IL1RAPL1: variants seen among roughly 807,000 people sequenced by gnomAD.
The protein encoded by IL1RAPL1 is interleukin-1 receptor accessory protein-like 1.
In IL1RAPL1, 3 loss-of-function variants were observed where a neutral mutation model predicts 48.4. The ratio of observed to expected loss-of-function variants is 0.06; its 90% CI spans 0.03 to 0.16. The LOEUF (loss-of-function observed/expected upper bound fraction) is 0.16. Among genes scored for constraint, IL1RAPL1 ranks in the 10% least tolerant of loss-of-function variants. IL1RAPL1 has a pLI of 1.00. For synonymous variants in IL1RAPL1, 185 were observed against 187.7 expected, an observed-to-expected ratio of 0.99 and a Z score of 0.12; for missense variants, 349 against 530.6, an observed-to-expected ratio of 0.66 and a Z score of 3.36.
chrX:29,237,162 G>A (rs1407693143), intron 2 of IL1RAPL1, among the ~76,000 whole-genome samples: 1 of 111,629 alleles, frequency 9.0e-6, no homozygotes, highest in African/African-American at 3.3e-5. Flanking sequence ...GGAAATGTCA[G>A]TTTGCAGAAA....
chrX:28,615,177 T>C (rs1487136230), intron 1 of IL1RAPL1, among the ~76,000 whole-genome samples: 34 of 101,051 alleles, frequency 3.4e-4, no homozygotes, highest in Non-Finnish European at 6.1e-4. Context: ...TATGAGGCAC[T>C]GCGCCTGGCC....
intron 2 of IL1RAPL1, among the ~76,000 whole-genome samples, chrX:28,832,289 C>G (rs1921081274): frequency 9.1e-6 from 1 of 110,083 alleles, no homozygotes; most frequent in African/African-American, 3.4e-5. Context: ...AATCACTATT[C>G]TCCTCTCTAC....
At chrX:29,541,099 C>A (rs1274722011) in intron 5 of IL1RAPL1, among the ~76,000 whole-genome samples, 1 of 111,787 alleles carries the variant, frequency 8.9e-6, no homozygotes, top group Non-Finnish European at 1.9e-5. Context: ...AAACAAATAA[C>A]CCCATTAAAA....
At chrX:29,906,338 A>AAAAC (rs200315435) in intron 6 of IL1RAPL1, among the ~76,000 whole-genome samples, 28,061 of 94,004 alleles carry the variant, frequency 0.3, 5,179 homozygotes, top group African/African-American at 0.63. Flanking sequence ...CTGTCTCAAA[A>AAAAC]AAACAAACAA....
intron 5 of IL1RAPL1, among the ~76,000 whole-genome samples, chrX:29,539,708 G>C (rs1291757283): frequency 9.0e-6 from 1 of 110,683 alleles, no homozygotes; most frequent in Non-Finnish European, 1.9e-5. Context: ...TTCCTGCTCT[G>C]CCATGTGAAG....
intron 5 of IL1RAPL1, among the ~76,000 whole-genome samples, chrX:29,548,211 T>C (rs1005652591): frequency 8.9e-6 from 1 of 112,684 alleles, no homozygotes; most frequent in Non-Finnish European, 1.9e-5. Context: ...TTAAGCATTT[T>C]AAATGTTTTA....
intron 6 of IL1RAPL1, among the ~76,000 whole-genome samples, chrX:29,696,606 C>T (rs1926919524): frequency 1.8e-5 from 2 of 111,974 alleles, no homozygotes; most frequent in African/African-American, 6.5e-5. Context: ...ACATCCTGAA[C>T]ACAAGACTTC....
chrX:29,491,559 A>G (rs1455364695), intron 5 of IL1RAPL1, among the ~76,000 whole-genome samples: 1 of 112,488 alleles, frequency 8.9e-6, no homozygotes, highest in Non-Finnish European at 1.9e-5. Context: ...TCATTTGCCT[A>G]CAATTACACA....
intron 3 of IL1RAPL1, among the ~76,000 whole-genome samples, chrX:29,288,940 G>T (rs1388472058): frequency 8.9e-6 from 1 of 111,983 alleles, no homozygotes. Flanking sequence ...TCATATGTTT[G>T]TTGGCCGCTT....
chrX:29,564,209 T>C (rs888702891), intron 5 of IL1RAPL1, among the ~76,000 whole-genome samples: 6 of 111,965 alleles, frequency 5.4e-5, no homozygotes, highest in Non-Finnish European at 9.4e-5. Context: ...AGTGTTGATT[T>C]CCACTTTGTA....
At chrX:29,072,292 G>A (rs1927582175) in intron 2 of IL1RAPL1, among the ~76,000 whole-genome samples, 2 of 110,914 alleles carry the variant, frequency 1.8e-5, no homozygotes, top group African/African-American at 6.6e-5. Flanking sequence ...AACCATAGGA[G>A]GAAAAAGGCA....
chrX:29,846,689 A>T (rs1451434224), intron 6 of IL1RAPL1, among the ~76,000 whole-genome samples: 1 of 107,576 alleles, frequency 9.3e-6, no homozygotes, highest in African/African-American at 3.4e-5. Context: ...TCCTCTCCCT[A>T]CTATGTCAAA....
chrX:29,881,593 G>A (rs1932034017), intron 6 of IL1RAPL1, among the ~76,000 whole-genome samples: 2 of 109,733 alleles, frequency 1.8e-5, no homozygotes. Flanking sequence ...TATTTGAGGG[G>A]TACATGAGAT....
chrX:29,286,057 A>T (rs1355001271), intron 3 of IL1RAPL1, among the ~76,000 whole-genome samples: 1 of 112,175 alleles, frequency 8.9e-6, no homozygotes, highest in East Asian at 2.8e-4. Context: ...TTAACTTGTC[A>T]ATGAAATTGT....
chrX:28,704,831 C>CCAAAAA (rs1555915423), intron 1 of IL1RAPL1, among the ~76,000 whole-genome samples: 1 of 29,652 alleles, frequency 3.4e-5, no homozygotes, highest in African/African-American at 1.6e-4. Context: ...CACACACACA[C>CCAAAAA]AAAAAAAAAA....
intron 5 of IL1RAPL1, among the ~76,000 whole-genome samples, chrX:29,570,960 G>A (rs1569341287): frequency 1.8e-5 from 2 of 112,514 alleles, no homozygotes; most frequent in East Asian, 2.8e-4. Context: ...GGTGGCTCAC[G>A]CCTGTAATCC....
chrX:29,421,054 G>A (rs1413345174), intron 5 of IL1RAPL1, among the ~76,000 whole-genome samples: 1 of 111,577 alleles, frequency 9.0e-6, no homozygotes, highest in East Asian at 2.8e-4. Flanking sequence ...ATAAAACACA[G>A]GAAAATGTTT....
intron 2 of IL1RAPL1, among the ~76,000 whole-genome samples, chrX:29,106,809 C>A (rs185838208): frequency 9.0e-5 from 10 of 111,376 alleles, no homozygotes; most frequent in African/African-American, 3.3e-4. Flanking sequence ...ATACTTTGTA[C>A]AGATTTTTTT....
At chrX:29,795,600 G>A (rs1041691938) in intron 6 of IL1RAPL1, among the ~76,000 whole-genome samples, 14 of 112,237 alleles carry the variant, frequency 1.2e-4, no homozygotes, top group African/African-American at 3.9e-4. Flanking sequence ...TAGTAAAGAC[G>A]GGTTTGTGCT....
Sources: gnomAD v4.1 joint callset for allele counts (sites outside exome capture counted in the v4.1 genomes callset) on GRCh38, gnomAD v4.1.1 for gene constraint, MANE v1.5 for transcripts, NCBI Gene and HGNC (gene_info 2026-07-23, HGNC 2026-07-21) for gene names.